GRM7: variants seen among roughly 807,000 people sequenced by gnomAD.
The protein encoded by GRM7 is glutamate metabotropic receptor 7, also known as metabotropic glutamate receptor 7.
A neutral mutation model predicts 84.5 loss-of-function variants in GRM7; 35 were observed. The observed-to-expected ratio is 0.41, with a 90% confidence interval of 0.32 to 0.55. The LOEUF (loss-of-function observed/expected upper bound fraction) is 0.55, where lower values mean the gene tolerates loss of function less well. Ranked by LOEUF, GRM7 falls within the 20% of genes least tolerant of loss-of-function variation. GRM7 has a pLI of 0.19. For missense variants in GRM7, 1,003 were observed against 1,194.6 expected, an observed-to-expected ratio of 0.84 and a Z score of 2.36; for synonymous variants, 487 against 455.1, an observed-to-expected ratio of 1.07 and a Z score of -0.89.
intron 4 of GRM7, among the ~76,000 whole-genome samples, chr3:7,354,945 A>G (rs1003004408): frequency 6.6e-6 from 1 of 152,166 alleles, no homozygotes; most frequent in African/African-American, 2.4e-5. Context: ...GTCATAGTCT[A>G]GTTTGCGGGG....
At position 6,863,706 on chromosome 3, in the gene GRM7, T is replaced by A. The variant is rs1694842441; in HGVS notation, c.519+1799T>A. 6.6e-6 allele frequency among the ~76,000 whole-genome samples: 1 copy of A among 152,096 alleles called. No homozygotes were observed. Among genetic ancestry groups the A allele is most frequent in the South Asian group, 2.1e-4 (1 of 4,828 alleles). On this transcript the variant is annotated intron_variant, in intron 1 of 9. Transcript: ENST00000357716. This position sits in a 1 kb window ranked among gnomAD's most constrained non-coding sequence, Gnocchi z 4.8. ...AGCAGTGCAGCGGGAGAGGATGAGGTCAGAGACATTACCTGAGAACCACTG... is the reference window on the plus strand; with the variant it reads ...AGCAGTGCAGCGGGAGAGGATGAGGACAGAGACATTACCTGAGAACCACTG...
Position 7,680,101 on chromosome 3 carries a change from T to C in GRM7, c.2504T>C (p.Val835Ala). The change falls in exon 9 of 10, where the codon GTG (valine) becomes GCG (alanine). Residue 835 changes from valine to alanine, a missense_variant. Val to Ala is a moderately conservative substitution (Grantham distance 64). Transcript: ENST00000357716. ...LTISMNLSAS[V>A]ALGMLYMPKV... Reference sequence around the variant, plus strand: ...ATCTCCATGAACCTAAGTGCATCAGTGGCGCTGGGGATGCTATACATGCCG... The same window carrying C: ...ATCTCCATGAACCTAAGTGCATCAGCGGCGCTGGGGATGCTATACATGCCG... 1 of 1,613,858 alleles carries C rather than the reference T, an allele frequency of 6.2e-7. No homozygotes were observed. The highest frequency in any genetic ancestry group is 8.5e-7 in the Non-Finnish European group (1 of 1,179,758).
At chr3:6,939,868 T>C (rs1697827189) in intron 1 of GRM7, among the ~76,000 whole-genome samples, 1 of 152,188 alleles carries the variant, frequency 6.6e-6, no homozygotes, top group African/African-American at 2.4e-5. Context: ...TTACCCATAT[T>C]CTAGGCTACT....
chr3:7,476,642 T>A (rs1055012762), intron 7 of GRM7, among the ~76,000 whole-genome samples: 1 of 152,198 alleles, frequency 6.6e-6, no homozygotes, highest in African/African-American at 2.4e-5. Flanking sequence ...GTTGCTACTT[T>A]TTCTGAAACA....
chr3:7,335,035 G>A (rs181651694), intron 4 of GRM7, among the ~76,000 whole-genome samples: 1 of 152,076 alleles, frequency 6.6e-6, no homozygotes, highest in African/African-American at 2.4e-5. Flanking sequence ...GAAACAATGG[G>A]CTTAAGCTAT....
At chr3:7,661,187 A>AT (rs1226805855) in intron 8 of GRM7, among the ~76,000 whole-genome samples, 1 of 152,140 alleles carries the variant, frequency 6.6e-6, no homozygotes, top group Non-Finnish European at 1.5e-5. Context: ...CTAGGAGAAA[A>AT]TTTTTTGCGA....
intron 1 of GRM7, among the ~76,000 whole-genome samples, chr3:7,103,194 C>T (rs1194952406): frequency 1.3e-5 from 2 of 151,630 alleles, no homozygotes; most frequent in Non-Finnish European, 2.9e-5. Flanking sequence ...GCTTTTTGTC[C>T]TAGTATGCTA....
chr3:7,660,180 T>G (rs1188944868), intron 8 of GRM7, among the ~76,000 whole-genome samples: 2 of 152,256 alleles, frequency 1.3e-5, no homozygotes, highest in Non-Finnish European at 2.9e-5. Flanking sequence ...AACTGTAATT[T>G]TTTTAATGGT....
intron 1 of GRM7, among the ~76,000 whole-genome samples, chr3:6,865,935 A>G (rs1694924321): frequency 6.6e-6 from 1 of 152,066 alleles, no homozygotes; most frequent in African/African-American, 2.4e-5. Flanking sequence ...CTGCCTCCAC[A>G]TTTACTGTGT....
intron 4 of GRM7, among the ~76,000 whole-genome samples, chr3:7,377,499 G>A (rs543626460): frequency 4.9e-4 from 75 of 152,160 alleles, no homozygotes; most frequent in Non-Finnish European, 9.0e-4. Context: ...GATGAGAGTG[G>A]TGGTGATGGA....
At chr3:7,325,862 C>T (rs998365408) in intron 4 of GRM7, among the ~76,000 whole-genome samples, 3 of 152,056 alleles carry the variant, frequency 2.0e-5, no homozygotes, top group Admixed American at 6.6e-5. Context: ...TGTTAGTTTA[C>T]AGTTTTTTTG....
At chr3:6,989,659 C>G (rs1694557962) in intron 1 of GRM7, among the ~76,000 whole-genome samples, 1 of 151,938 alleles carries the variant, frequency 6.6e-6, no homozygotes, top group Non-Finnish European at 1.5e-5. Flanking sequence ...CCTAAGAAGC[C>G]AAGACTAAAT....
intron 5 of GRM7, among the ~76,000 whole-genome samples, chr3:7,427,703 T>G (rs1696666973): frequency 6.6e-6 from 1 of 152,166 alleles, no homozygotes; most frequent in South Asian, 2.1e-4. Flanking sequence ...TCCACCAGTT[T>G]TAGTTGAGAA....
At chr3:7,000,148 A>G (rs948501356) in intron 1 of GRM7, among the ~76,000 whole-genome samples, 5 of 148,228 alleles carry the variant, frequency 3.4e-5, no homozygotes, top group Admixed American at 2.0e-4. Context: ...CCATGACAAC[A>G]GTAATGTCAG....
At chr3:7,238,369 G>A (rs187067053) in intron 2 of GRM7, among the ~76,000 whole-genome samples, 2 of 152,244 alleles carry the variant, frequency 1.3e-5, no homozygotes, top group African/African-American at 4.8e-5. Flanking sequence ...CAGTTACTCA[G>A]GACAAGTCCG....
intron 2 of GRM7, among the ~76,000 whole-genome samples, chr3:7,190,510 G>A (rs115597924): frequency 0.023 from 3,426 of 152,040 alleles, 116 homozygotes; most frequent in African/African-American, 0.069. Context: ...TGAATTTGGA[G>A]GCAAGATTAG....
chr3:7,245,343 T>C (rs962736894), intron 2 of GRM7, among the ~76,000 whole-genome samples: 2 of 151,724 alleles, frequency 1.3e-5, no homozygotes, highest in Admixed American at 6.6e-5. Flanking sequence ...TCAAATCATA[T>C]CTAGGACATC....
intron 8 of GRM7, among the ~76,000 whole-genome samples, chr3:7,600,066 A>G (rs78646740): frequency 0.018 from 2,743 of 152,272 alleles, 93 homozygotes; most frequent in African/African-American, 0.06. Flanking sequence ...AGATGTTGCC[A>G]TCATAGACAC....
chr3:6,876,897 C>T (rs455327), intron 1 of GRM7, among the ~76,000 whole-genome samples: 47,087 of 151,942 alleles, frequency 0.31, 7,598 homozygotes, highest in South Asian at 0.45. Flanking sequence ...CCACCAACCC[C>T]GGCCTACCAC....
Sources: gnomAD v4.1 joint callset for allele counts (sites outside exome capture counted in the v4.1 genomes callset) on GRCh38, gnomAD v4.1.1 for gene constraint, Gnocchi (gnomAD v3.1) non-coding constraint, MANE v1.5 for transcripts, NCBI Gene and HGNC (gene_info 2026-07-23, HGNC 2026-07-21) for gene names.